HECW1: variants seen among roughly 807,000 people sequenced by gnomAD.
The protein encoded by HECW1 is HECT, C2 and WW domain containing E3 ubiquitin protein ligase 1, also known as E3 ubiquitin-protein ligase HECW1.
In HECW1, 61 loss-of-function variants were observed where a neutral mutation model predicts 182.3. That is an observed-to-expected ratio of 0.33 (90% confidence interval 0.27 to 0.41). The LOEUF is 0.41. Among genes scored for constraint, HECW1 ranks in the 10% least tolerant of loss-of-function variants. The pLI is 1.00. For missense variants in HECW1, 1,739 were observed against 2,108.9 expected (o/e 0.82, Z 3.44); for synonymous variants, 859 against 832.6 (o/e 1.03, Z -0.55).
chr7:43,485,390 T>G (rs2078591405), intron 17 of HECW1, among the ~76,000 whole-genome samples: 1 of 152,244 alleles, frequency 6.6e-6, no homozygotes, highest in South Asian at 2.1e-4. Context: ...TGGAAGTTTG[T>G]AAAATTCAGA....
intron 24 of HECW1, among the ~76,000 whole-genome samples, chr7:43,517,418 G>T (rs2080217242): frequency 6.6e-6 from 1 of 151,328 alleles, no homozygotes; most frequent in South Asian, 2.1e-4. Context: ...CTGTTTTCAG[G>T]TCTTTAGCAA....
chr7:43,138,662 T>C (rs1420509561), intron 2 of HECW1, among the ~76,000 whole-genome samples: 1 of 152,240 alleles, frequency 6.6e-6, no homozygotes, highest in Non-Finnish European at 1.5e-5. Flanking sequence ...ATTAGGCTAG[T>C]GTTCTGTGCC....
At chr7:43,545,673 A>T (rs1170583950) in intron 26 of HECW1, among the ~76,000 whole-genome samples, 1 of 152,236 alleles carries the variant, frequency 6.6e-6, no homozygotes, top group African/African-American at 2.4e-5. Flanking sequence ...GGAAAGCTAG[A>T]GTAAAGAGAA....
At chr7:43,555,117 T>G (rs1256268661) in intron 29 of HECW1, among the ~76,000 whole-genome samples, 2 of 152,218 alleles carry the variant, frequency 1.3e-5, no homozygotes, top group African/African-American at 4.8e-5. Context: ...GACATTAATA[T>G]AAAAATGCTG....
At chr7:43,273,525 G>A (rs1441477679) in intron 3 of HECW1, among the ~76,000 whole-genome samples, 4 of 151,906 alleles carry the variant, frequency 2.6e-5, no homozygotes, top group Non-Finnish European at 2.9e-5. Context: ...TAACTACTTT[G>A]AAAAAAACTT....
In HECW1 at chr7:43,353,445, G is replaced by A. The variant is rs116735555; in HGVS notation, c.461-7441G>A. On this transcript the variant is annotated intron_variant, in intron 5 of 29. Coordinates refer to ENST00000395891, the MANE Select transcript of HECW1 (RefSeq NM_015052.5). ...CATGACGTCCATTTCCAAAAGGGTA[G>A]TATAGAGGCAAGATGGCTTCACTTC... Among the ~76,000 whole-genome samples the A allele has an allele frequency of 1.2e-3, 179 of 152,202 alleles. 1 individual carries two copies. The highest frequency in any genetic ancestry group is 3.5e-3 in the African/African-American group (147 of 41,526).
At chr7:43,508,600 A>T in intron 23 of HECW1, 1 of 269,978 alleles carries the variant, frequency 3.7e-6, no homozygotes, top group South Asian at 6.2e-5. Flanking sequence ...ACACACACAC[A>T]CATGCATGCA....
intron 2 of HECW1, among the ~76,000 whole-genome samples, chr7:43,125,441 A>G (rs909362938): frequency 6.6e-6 from 1 of 152,056 alleles, no homozygotes; most frequent in South Asian, 2.1e-4. Context: ...TATATTTTCT[A>G]TTACTCAGAC....
chr7:43,522,967 C>T (rs2080566168), intron 24 of HECW1: 26 of 415,470 alleles, frequency 6.3e-5, no homozygotes, highest in South Asian at 4.7e-4. Context: ...ACTCTTTGTA[C>T]TGTGTGTTCT....
At chr7:43,215,378 G>A (rs1481911439) in intron 2 of HECW1, among the ~76,000 whole-genome samples, 1 of 152,374 alleles carries the variant, frequency 6.6e-6, no homozygotes, top group African/African-American at 2.4e-5. Flanking sequence ...GACCCAGCCA[G>A]TGCTGGCTAG....
intron 15 of HECW1, among the ~76,000 whole-genome samples, chr7:43,467,122 G>GTTGATCT (rs1197232293): frequency 0.014 from 2,060 of 152,204 alleles, 46 homozygotes; most frequent in African/African-American, 0.048. Flanking sequence ...CATTTTCTGT[G>GTTGATCT]GTTCAGGCTC....
At chr7:43,522,031 G>T (rs939719585) in intron 24 of HECW1, among the ~76,000 whole-genome samples, 2 of 152,200 alleles carry the variant, frequency 1.3e-5, no homozygotes, top group African/African-American at 4.8e-5. Flanking sequence ...TGAGGATACC[G>T]CAAGGTGTCC....
chr7:43,194,830 A>G (rs771022252), intron 2 of HECW1, among the ~76,000 whole-genome samples: 2 of 151,936 alleles, frequency 1.3e-5, no homozygotes, highest in Non-Finnish European at 2.9e-5. Flanking sequence ...AGTAGCTGGG[A>G]TTACAGGCGC....
intron 5 of HECW1, among the ~76,000 whole-genome samples, chr7:43,335,389 G>T (rs746495099): frequency 8.5e-5 from 13 of 152,226 alleles, no homozygotes; most frequent in Non-Finnish European, 1.8e-4. Context: ...ACTAATGTTT[G>T]TGAGTGGGCC....
At chr7:43,289,080 G>A (rs912313170) in intron 3 of HECW1, among the ~76,000 whole-genome samples, 1 of 151,476 alleles carries the variant, frequency 6.6e-6, no homozygotes, top group East Asian at 1.9e-4. Flanking sequence ...AAAGAATGGA[G>A]TGCCATCTCC....
intron 17 of HECW1, among the ~76,000 whole-genome samples, chr7:43,488,462 A>AAGAAAGAAAGAAAGAAAGAT (rs2078785999): frequency 6.7e-6 from 1 of 150,314 alleles, no homozygotes; most frequent in Non-Finnish European, 1.5e-5. Flanking sequence ...GAAAGAAAGA[A>AAGAAAGAAAGAAAGAAAGAT]AGAAAGAAAG....
intron 6 of HECW1, among the ~76,000 whole-genome samples, chr7:43,384,616 A>T (rs933164095): frequency 6.6e-6 from 1 of 152,228 alleles, no homozygotes; most frequent in East Asian, 1.9e-4. Context: ...GTGAGGGGGA[A>T]AACGTTTGCC....
chr7:43,373,903 G>T (rs2074217203), intron 6 of HECW1, among the ~76,000 whole-genome samples: 1 of 152,126 alleles, frequency 6.6e-6, no homozygotes, highest in Non-Finnish European at 1.5e-5. Context: ...TTGCCCTTTT[G>T]TGCCTGGCTT....
intron 26 of HECW1, among the ~76,000 whole-genome samples, chr7:43,544,478 T>C (rs2152955259): frequency 6.6e-6 from 1 of 152,350 alleles, no homozygotes; most frequent in Non-Finnish European, 1.5e-5. Context: ...TATTTTGGGA[T>C]GGTGTAGAGA....
Sources: gnomAD v4.1 joint callset for allele counts (sites outside exome capture counted in the v4.1 genomes callset) on GRCh38, gnomAD v4.1.1 for gene constraint, MANE v1.5 for transcripts, NCBI Gene and HGNC (gene_info 2026-07-23, HGNC 2026-07-21) for gene names.